The following ARHGEF28 variants were observed in gnomAD, a reference collection of about 807,000 sequenced individuals.
The protein encoded by ARHGEF28 is 190 kDa guanine nucleotide exchange factor.
In ARHGEF28, 152 loss-of-function variants were observed where a neutral mutation model predicts 206.6. The ratio of observed to expected loss-of-function variants is 0.74; its 90% CI spans 0.64 to 0.84. ARHGEF28 has a LOEUF of 0.84. Among genes scored for constraint, ARHGEF28 ranks in the 40% least tolerant of loss-of-function variants. The probability of loss-of-function intolerance (pLI) is 0.00; values close to 1 mark genes in which losing one functional copy is unlikely to be tolerated. For missense variants in ARHGEF28, 2,028 were observed against 2,073.2 expected, an observed-to-expected ratio of 0.98 and a Z score of 0.42; for synonymous variants, 763 against 776.4, an observed-to-expected ratio of 0.98 and a Z score of 0.29.
intron 11 of ARHGEF28, among the ~76,000 whole-genome samples, chr5:73,843,008 T>C (rs973903703): frequency 3.4e-5 from 5 of 145,180 alleles, no homozygotes; most frequent in African/African-American, 5.1e-5. Context: ...AAAAAAAAAG[T>C]CTGTCAGGTG....
chr5:73,804,082 CAAAAAAAAAAAA>C (rs35722039), intron 9 of ARHGEF28, among the ~76,000 whole-genome samples: 15 of 64,314 alleles, frequency 2.3e-4, no homozygotes, highest in African/African-American at 6.9e-4. Context: ...GAGACCCTGT[CAAAAAAAAAAAA>C]AAAAAAAAAA....
At chr5:73,935,085 T>C (rs1764344696) in intron 35 of ARHGEF28, among the ~76,000 whole-genome samples, 1 of 152,210 alleles carries the variant, frequency 6.6e-6, no homozygotes, top group South Asian at 2.1e-4. Context: ...TCATCTTCAT[T>C]GTATGGATTG....
At chr5:73,716,853 C>G (rs1749618155) in intron 2 of ARHGEF28, among the ~76,000 whole-genome samples, 1 of 152,072 alleles carries the variant, frequency 6.6e-6, no homozygotes, top group African/African-American at 2.4e-5. Flanking sequence ...ACTCTGGATT[C>G]TAAGGATTTG....
chr5:73,683,126 T>G (rs1486446267), intron 1 of ARHGEF28, among the ~76,000 whole-genome samples: 1 of 152,178 alleles, frequency 6.6e-6, no homozygotes, highest in Non-Finnish European at 1.5e-5. Context: ...GGGTTTTTTT[T>G]GTTTTTTTTC....
Position 73,868,008 on chromosome 5 carries a change from C to G in ARHGEF28, c.2285C>G (p.Thr762Ser). The change falls in exon 19 of 36, where the codon ACC becomes AGC. Residue 762 changes from threonine (T) to serine (S), a missense_variant. This residue lies in a region of ARHGEF28 where 1,002 missense variants were observed against 1,015.3 expected (regional missense o/e 0.99). Transcript: ENST00000513042. Reference protein sequence around the residue: ...VHPLSRSVPGTTLESFRRSAT... With the variant: ...VHPLSRSVPGSTLESFRRSAT... The stretch of plus-strand genomic sequence containing the variant: ...CCATTGTCCAGAAGTGTTCCAGGCA[C>G]CACCTTGGAAAGGTAAGGCTGAGTG... 1 of 1,613,918 alleles carries G rather than the reference C, an allele frequency of 6.2e-7. No homozygotes were observed.
Position 73,911,330 on chromosome 5 carries a change from A to G in ARHGEF28, c.4703A>G (p.Asn1568Ser), listed in dbSNP as rs1289738093. 6.2e-7 allele frequency: 1 copy of G among 1,611,262 alleles called. No individual in the cohort carries two copies. The highest frequency in any genetic ancestry group is 1.1e-5 in the South Asian group (1 of 90,276). Residue 1568 changes from asparagine (N) to serine (S), a missense_variant, in exon 35 of 36, where the codon AAT (asparagine) becomes AGT (serine). Coordinates refer to ENST00000513042, the MANE Select transcript of ARHGEF28 (RefSeq NM_001177693.2). ...SLCHENSFFI[N>S]EALVQMSFNT... ...TGTCATGAAAACTCATTCTTCATCA[A>G]TGAAGCTTTAGTACAAATGTCATTT...
chr5:73,831,748 A>G (rs375114997), intron 9 of ARHGEF28, among the ~76,000 whole-genome samples: 3 of 152,198 alleles, frequency 2.0e-5, no homozygotes, highest in Non-Finnish European at 4.4e-5. Context: ...CTGGAGTGCA[A>G]TGGCACGGTC....
At chr5:73,647,133 C>G (rs1456382659) in intron 1 of ARHGEF28, among the ~76,000 whole-genome samples, 4 of 152,082 alleles carry the variant, frequency 2.6e-5, no homozygotes, top group African/African-American at 9.7e-5. Flanking sequence ...CATAATGCCA[C>G]AAGAGGAAAA....
At chr5:73,882,971 G>T (rs11959702) in intron 23 of ARHGEF28, among the ~76,000 whole-genome samples, 46,513 of 151,920 alleles carry the variant, frequency 0.31, 9,008 homozygotes, top group African/African-American at 0.55. Flanking sequence ...ATCTGTAATA[G>T]TTTTCTCCAG....
intron 1 of ARHGEF28, among the ~76,000 whole-genome samples, chr5:73,683,915 G>T (rs1747271771): frequency 6.6e-6 from 1 of 152,106 alleles, no homozygotes; most frequent in South Asian, 2.1e-4. Context: ...AGCAGTCTAT[G>T]GGATAGTGTC....
At chr5:73,736,994 T>C (rs1750977858) in intron 2 of ARHGEF28, among the ~76,000 whole-genome samples, 1 of 152,132 alleles carries the variant, frequency 6.6e-6, no homozygotes, top group African/African-American at 2.4e-5. Flanking sequence ...AAGTGTGCTC[T>C]CCTTTCTCCC....
intron 35 of ARHGEF28, among the ~76,000 whole-genome samples, chr5:73,939,887 T>G (rs1742490087): frequency 6.6e-6 from 1 of 152,210 alleles, no homozygotes; most frequent in East Asian, 1.9e-4. Context: ...TTATGTTCTT[T>G]AAATTTTTTT....
chr5:73,931,171 A>C (rs1317443440), intron 35 of ARHGEF28, among the ~76,000 whole-genome samples: 1 of 152,176 alleles, frequency 6.6e-6, no homozygotes, highest in Admixed American at 6.5e-5. Flanking sequence ...GCCTGTTGCC[A>C]AGGGTTTGAC....
At chr5:73,649,180 A>C (rs1282978584) in intron 1 of ARHGEF28, among the ~76,000 whole-genome samples, 2 of 152,210 alleles carry the variant, frequency 1.3e-5, no homozygotes, top group African/African-American at 4.8e-5. Context: ...TGACCTGCAC[A>C]TCTGAATCTA....
intron 35 of ARHGEF28, among the ~76,000 whole-genome samples, chr5:73,924,114 G>A (rs990200274): frequency 8.6e-5 from 13 of 152,042 alleles, no homozygotes; most frequent in African/African-American, 1.9e-4. Flanking sequence ...GCCAAGTTTC[G>A]GTAAATGTTG....
chr5:73,800,147 C>T (rs1042323563), intron 9 of ARHGEF28, among the ~76,000 whole-genome samples: 1 of 152,124 alleles, frequency 6.6e-6, no homozygotes, highest in African/African-American at 2.4e-5. Context: ...GGTATATTTC[C>T]TACCAGCATT....
At chr5:73,647,939 T>A (rs1744543545) in intron 1 of ARHGEF28, among the ~76,000 whole-genome samples, 1 of 152,274 alleles carries the variant, frequency 6.6e-6, no homozygotes, top group Non-Finnish European at 1.5e-5. Context: ...TTGAGATCTT[T>A]GCCTGTTAAT....
intron 13 of ARHGEF28, among the ~76,000 whole-genome samples, chr5:73,852,030 C>A (rs1044921538): frequency 6.6e-6 from 1 of 152,088 alleles, no homozygotes; most frequent in African/African-American, 2.4e-5. Flanking sequence ...CTCTACTCCA[C>A]CCCTGTAGTA....
chr5:73,769,511 A>C (rs1226332559), intron 4 of ARHGEF28, among the ~76,000 whole-genome samples: 6 of 152,176 alleles, frequency 3.9e-5, no homozygotes, highest in African/African-American at 1.2e-4. Context: ...TATATTCATT[A>C]CTTCCTTCTG....
Sources: allele counts gnomAD v4.1 joint callset (sites outside exome capture counted in the v4.1 genomes callset), GRCh38; gene constraint gnomAD v4.1.1; regional missense constraint gnomAD v4.1.1; transcripts MANE v1.5; gene names NCBI Gene and HGNC (gene_info 2026-07-23, HGNC 2026-07-21).